The following SLC10A7 variants were observed in gnomAD, a reference collection of about 807,000 sequenced individuals.
The protein encoded by SLC10A7 is sodium/bile acid cotransporter 7.
A neutral mutation model predicts 43.2 loss-of-function variants in SLC10A7; 29 were observed. That is an observed-to-expected ratio of 0.67 (90% CI 0.50 to 0.92). The LOEUF is 0.92. Ranked by LOEUF, SLC10A7 falls within the 40% of genes least tolerant of loss-of-function variation. SLC10A7 has a pLI of 0.00. For synonymous variants in SLC10A7, 152 were observed against 144.8 expected (o/e 1.05, Z -0.35); for missense variants, 295 against 403.2 (o/e 0.73, Z 2.30).
chr4:146,402,965 T>C (rs1739325499), intron 5 of SLC10A7, among the ~76,000 whole-genome samples: 1 of 152,184 alleles, frequency 6.6e-6, no homozygotes, highest in South Asian at 2.1e-4. Flanking sequence ...AGTGTAGTCT[T>C]GCAAAAATTT....
chr4:146,393,809 T>C (rs1738619491), intron 5 of SLC10A7, among the ~76,000 whole-genome samples: 1 of 151,958 alleles, frequency 6.6e-6, no homozygotes, highest in African/African-American at 2.4e-5. Context: ...GAATATAAAA[T>C]GTATGAAACT....
At chr4:146,516,462 GTGTATA>G (rs922769624) in intron 2 of SLC10A7, among the ~76,000 whole-genome samples, 11 of 145,648 alleles carry the variant, frequency 7.6e-5, no homozygotes, top group Middle Eastern at 3.6e-3. Context: ...ATATATGTAT[GTGTATA>G]TGTATATGTG....
At chr4:146,385,114 A>G (rs1189433516) in intron 5 of SLC10A7, among the ~76,000 whole-genome samples, 1 of 152,056 alleles carries the variant, frequency 6.6e-6, no homozygotes, top group Admixed American at 6.6e-5. Context: ...CTCAAATACA[A>G]TCAGTTGCCA....
intron 5 of SLC10A7, among the ~76,000 whole-genome samples, chr4:146,330,390 T>C (rs530473417): frequency 2.6e-5 from 4 of 152,320 alleles, no homozygotes; most frequent in African/African-American, 7.2e-5. Flanking sequence ...ATATTAAAAT[T>C]GACTTTTTAG....
rs192651787 is a variant in SLC10A7 at position 146,344,205 on chromosome 4, G to A, written c.436-18209C>T. ...TGACCGGATGCTCACGGGAAGCTAT[G>A]CAGAAATCACAGTTTACTTTGAATG... On this transcript the variant is annotated intron_variant, in intron 5 of 11. Coordinates refer to ENST00000335472, the MANE Select transcript of SLC10A7 (RefSeq NM_001029998.6). 1.9e-4 allele frequency among the ~76,000 whole-genome samples: 29 copies of A among 152,150 alleles called. No individual in the cohort carries two copies. In the East Asian group the frequency reaches 5.4e-3, roughly 28 times the overall value.
At position 146,453,684 on chromosome 4, in the gene SLC10A7, A is replaced by G. The variant is rs188389364; in HGVS notation, c.397-10863T>C. On this transcript the variant is annotated intron_variant, in intron 4 of 11. Coordinates refer to ENST00000335472, the MANE Select transcript of SLC10A7 (RefSeq NM_001029998.6). ...TATATTCAGATTCCTTTCTAAGCAC[A>G]TGGGGACTCTTAAATAACCGTTAAA... Among the ~76,000 whole-genome samples the G allele has an allele frequency of 2.2e-3, 333 of 152,092 alleles. 3 individuals carry two copies. The highest frequency in any genetic ancestry group is 3.9e-3 in the Non-Finnish European group (262 of 67,924).
chr4:146,305,768 A>T (rs1437693093), intron 7 of SLC10A7, among the ~76,000 whole-genome samples, 158 bp downstream of exon 7: 2 of 152,082 alleles, frequency 1.3e-5, no homozygotes, highest in Non-Finnish European at 2.9e-5. Context: ...AAAATAAAAA[A>T]GATGAGAATA....
chr4:146,304,899 G>C (rs1731439654), intron 7 of SLC10A7, among the ~76,000 whole-genome samples: 1 of 151,950 alleles, frequency 6.6e-6, no homozygotes, highest in Non-Finnish European at 1.5e-5. Flanking sequence ...CTCTTTGTAG[G>C]TCACTCAGGA....
chr4:146,450,836 G>A, intron 4 of SLC10A7, among the ~76,000 whole-genome samples: 1 of 152,078 alleles, frequency 6.6e-6, no homozygotes, highest in African/African-American at 2.4e-5. Context: ...AGAAGCAAAA[G>A]TGAAACTTCT....
At chr4:146,431,716 A>G (rs1395443469) in intron 5 of SLC10A7, among the ~76,000 whole-genome samples, 2 of 152,174 alleles carry the variant, frequency 1.3e-5, no homozygotes, top group Non-Finnish European at 2.9e-5. Flanking sequence ...TAGGAGAAAA[A>G]TATTTGTGAC....
chr4:146,435,455 T>C (rs1730137259), intron 5 of SLC10A7, among the ~76,000 whole-genome samples: 1 of 152,120 alleles, frequency 6.6e-6, no homozygotes, highest in Non-Finnish European at 1.5e-5. Flanking sequence ...TCTAAGAAAA[T>C]ATTTAACATT....
chr4:146,289,641 A>G (rs1730268313), intron 9 of SLC10A7, among the ~76,000 whole-genome samples: 1 of 151,584 alleles, frequency 6.6e-6, no homozygotes. Context: ...AGCAACTAGG[A>G]CAGAGAAAAG....
chr4:146,435,247 G>A (rs191346283), intron 5 of SLC10A7, among the ~76,000 whole-genome samples: 104 of 152,188 alleles, frequency 6.8e-4, no homozygotes, highest in African/African-American at 2.2e-3. Flanking sequence ...ATGAAGTTTG[G>A]AGGTCTAACA....
intron 11 of SLC10A7, 177 bp from the exon 12 acceptor site, chr4:146,256,697 G>T: frequency 1.0e-6 from 1 of 972,358 alleles, no homozygotes; most frequent in Non-Finnish European, 1.5e-6. Context: ...CACCTCTCTG[G>T]CCAGCAGACT....
chr4:146,489,931 CTT>C (rs953102242), intron 4 of SLC10A7, among the ~76,000 whole-genome samples: 1 of 145,012 alleles, frequency 6.9e-6, no homozygotes, highest in Admixed American at 6.9e-5. Context: ...AAAGTAGGCT[CTT>C]TTTTTTTTTA....
intron 4 of SLC10A7, among the ~76,000 whole-genome samples, chr4:146,496,617 C>G (rs1735923889): frequency 6.6e-6 from 1 of 152,204 alleles, no homozygotes; most frequent in East Asian, 1.9e-4. Context: ...TGTTAAGTGC[C>G]CCAGTTTATT....
intron 5 of SLC10A7, among the ~76,000 whole-genome samples, chr4:146,368,616 A>G (rs1332509789): frequency 4.6e-5 from 7 of 152,196 alleles, no homozygotes; most frequent in Non-Finnish European, 5.9e-5. Context: ...CTTAAAAACC[A>G]TAAAAGAATA....
At chr4:146,483,648 A>C (rs554084886) in intron 4 of SLC10A7, among the ~76,000 whole-genome samples, 102 of 152,300 alleles carry the variant, frequency 6.7e-4, no homozygotes, top group Admixed American at 6.5e-3. Flanking sequence ...AAATGGATTA[A>C]ATTTTCTAAT....
In SLC10A7 at chr4:146,326,076, C is replaced by T. The variant is rs145985499; in HGVS notation, c.436-80G>A. On this transcript the variant is annotated intron_variant, in intron 5 of 11. Coordinates refer to ENST00000335472, the MANE Select transcript of SLC10A7 (RefSeq NM_001029998.6). ...TTCTTTGCCATTTTAAACTCTGAGG[C>T]ATAGGAGTGCTTATCTTCTCACTGC... The T allele has an allele frequency of 8.6e-4, 1,054 of 1,226,244 alleles. 4 individuals are homozygous for T. The African/African-American group carries it at 0.013, about 15-fold the overall frequency. The allele number at this position is 1,226,244 out of a possible 1,614,324, so 76.0% of individuals were successfully genotyped here. A position where few individuals can be genotyped will look rare whatever the true frequency, so the allele number is the denominator to read the frequency against.
Sources: allele counts gnomAD v4.1 joint callset (sites outside exome capture counted in the v4.1 genomes callset), GRCh38; gene constraint gnomAD v4.1.1; transcripts MANE v1.5; gene names NCBI Gene and HGNC (gene_info 2026-07-23, HGNC 2026-07-21).